Variants in PCDHGA9 observed in about 807,000 individuals in gnomAD.
PCDHGA9 encodes protocadherin gamma-A9.
Under a neutral mutation model 62.5 loss-of-function variants are expected in PCDHGA9, and 37 were observed. That is an observed-to-expected ratio of 0.59 (90% CI 0.46 to 0.78). The LOEUF is 0.78. Ranked by LOEUF, PCDHGA9 falls within the 30% of genes least tolerant of loss-of-function variation. PCDHGA9 has a pLI of 0.00. For synonymous variants in PCDHGA9, 459 were observed against 484.6 expected (o/e 0.95, Z 0.69); for missense variants, 1,138 against 1,166.2 (o/e 0.98, Z 0.35).
intron 1 of PCDHGA9, among the ~76,000 whole-genome samples, chr5:141,492,824 C>T (rs1027583244): frequency 4.6e-5 from 7 of 152,236 alleles, no homozygotes. Context: ...ACCAGCGGCC[C>T]CTTCCTCCCG....
rs2099713635 is a variant in PCDHGA9, at chr5:141,491,418, T to C, written c.2425-3389T>C. The C allele has an allele frequency of 6.2e-7, 1 of 1,613,796 alleles. No individual in the cohort carries two copies. Among genetic ancestry groups the C allele is most frequent in the Non-Finnish European group, 8.5e-7 (1 of 1,179,944 alleles). On this transcript the variant is annotated intron_variant, in intron 1 of 3. Transcript: ENST00000573521. The surrounding 1 kb of genome is among the most constrained non-coding windows in gnomAD (Gnocchi z 6.9). The stretch of plus-strand genomic sequence containing the variant: ...AGGGAAACGCAGACGGGGACGGGGG[T>C]GGAGGGCAGTGCTGCAGGCGCCAGG...
At chr5:141,500,360 T>C (rs1224064939) in intron 2 of PCDHGA9, among the ~76,000 whole-genome samples, 1 of 151,664 alleles carries the variant, frequency 6.6e-6, no homozygotes, top group Non-Finnish European at 1.5e-5. Context: ...AGGCGCCCAC[T>C]ACCACGCCCG....
Position 141,489,623 on chromosome 5 carries a change from A to T in PCDHGA9, c.2425-5184A>T, listed in dbSNP as rs924162827. On this transcript the variant is annotated intron_variant, in intron 1 of 3. Coordinates refer to ENST00000573521, the MANE Select transcript of PCDHGA9 (RefSeq NM_018921.3). This position sits in a 1 kb window ranked among gnomAD's most constrained non-coding sequence, Gnocchi z 4.5. ...GAGGTAGAGATCCTGGATCTCAATG[A>T]CAACTCTCCTAGCTTTGCCACCCCT... is the stretch of plus-strand genomic sequence containing the variant. The T allele has an allele frequency of 6.2e-7, 1 of 1,614,102 alleles. No homozygotes were observed. Among genetic ancestry groups the T allele is most frequent in the Non-Finnish European group, 8.5e-7 (1 of 1,179,996 alleles).
chr5:141,426,488 T>G, intron 1 of PCDHGA9: 1 of 328,024 alleles, frequency 3.0e-6, no homozygotes, highest in Non-Finnish European at 6.1e-6. Context: ...AACCTTAGAG[T>G]TAGTGCAGAG....
intron 1 of PCDHGA9, chr5:141,416,205 A>T (rs1239154825): frequency 1.3e-5 from 2 of 152,458 alleles, no homozygotes; most frequent in Non-Finnish European, 2.9e-5. Context: ...CAATTTATTT[A>T]TAACAATGTA....
intron 1 of PCDHGA9, among the ~76,000 whole-genome samples, chr5:141,492,927 G>C (rs925569925): frequency 6.6e-6 from 1 of 152,180 alleles, no homozygotes; most frequent in Non-Finnish European, 1.5e-5. Context: ...AGCGATCTAG[G>C]GTCAGAGATT....
chr5:141,430,643 T>G (rs1432236231), intron 1 of PCDHGA9: 16 of 946,950 alleles, frequency 1.7e-5, no homozygotes, highest in South Asian at 2.5e-5. Flanking sequence ...CCTGGGAGTA[T>G]GTGGAAACAA....
At chr5:141,426,830 C>A (rs559240163) in intron 1 of PCDHGA9, 301 of 456,662 alleles carry the variant, frequency 6.6e-4, no homozygotes, top group African/African-American at 5.8e-3. Flanking sequence ...TGATGATGGA[C>A]AAGACTAAAG....
chr5:141,435,108 G>A lies in PCDHGA9; in HGVS notation c.2424+29732G>A, dbSNP rs1027955145. ...AACTGATCTGTTTATCTAGGGGGGA[G>A]AAATCTAATTCAATGGAAAATATAA... On this transcript the variant is annotated intron_variant, in intron 1 of 3. Transcript: ENST00000573521. Among the ~76,000 whole-genome samples, 3 of 152,144 alleles carry A rather than the reference G, an allele frequency of 2.0e-5. No homozygotes were observed. In the South Asian group the frequency reaches 6.2e-4, roughly 32 times the overall value.
At chr5:141,408,605 A>G (rs1374368607) in intron 1 of PCDHGA9, 1 of 1,614,060 alleles carries the variant, frequency 6.2e-7, no homozygotes, top group South Asian at 1.1e-5. Flanking sequence ...TCAATTTGAT[A>G]AAAAGGAAAT....
intron 1 of PCDHGA9, chr5:141,479,563 G>A (rs1469231382): frequency 2.6e-5 from 4 of 152,206 alleles, no homozygotes; most frequent in Admixed American, 2.0e-4. Context: ...ATCCAGTAGT[G>A]GGATGACATC....
chr5:141,490,891 C>A lies in PCDHGA9; in HGVS notation c.2425-3916C>A, dbSNP rs1462296497. The A allele has an allele frequency of 6.2e-7, 1 of 1,613,204 alleles. No homozygotes were observed. Among genetic ancestry groups the A allele is most frequent in the Non-Finnish European group, 8.5e-7 (1 of 1,179,262 alleles). On this transcript the variant is annotated intron_variant, in intron 1 of 3. Transcript: ENST00000573521. This position sits in a 1 kb window ranked among gnomAD's most constrained non-coding sequence, Gnocchi z 5.4. ...CCCATTGCATGCCAACACATCTCTGCATGTGTTTGTCCTAGACGAGAATGA... is the reference window on the plus strand; with the variant it reads ...CCCATTGCATGCCAACACATCTCTGAATGTGTTTGTCCTAGACGAGAATGA...
chr5:141,417,713 C>G, intron 1 of PCDHGA9: 1 of 1,271,750 alleles, frequency 7.9e-7, no homozygotes, highest in Non-Finnish European at 1.1e-6. Flanking sequence ...CAGAGGCTCC[C>G]GGCTGCGCAG....
At chr5:141,406,436 T>C (rs1207276044) in intron 1 of PCDHGA9, among the ~76,000 whole-genome samples, 3 of 152,234 alleles carry the variant, frequency 2.0e-5, no homozygotes, top group Non-Finnish European at 4.4e-5. Context: ...TTGCTTCTAT[T>C]CTTCCATTTC....
At chr5:141,510,062 G>GA (rs1448334820) in intron 3 of PCDHGA9, among the ~76,000 whole-genome samples, 1 of 152,150 alleles carries the variant, frequency 6.6e-6, no homozygotes. Flanking sequence ...TTGTGCATGT[G>GA]AAGCATCCAG....
At chr5:141,469,415 A>C (rs2099200751) in intron 1 of PCDHGA9, among the ~76,000 whole-genome samples, 1 of 152,116 alleles carries the variant, frequency 6.6e-6, no homozygotes, top group Admixed American at 6.5e-5. Flanking sequence ...TTTCTACTAA[A>C]AATATAAAAC....
At chr5:141,443,871 G>A (rs1395939418) in intron 1 of PCDHGA9, among the ~76,000 whole-genome samples, 1 of 152,112 alleles carries the variant, frequency 6.6e-6, no homozygotes, top group East Asian at 1.9e-4. Context: ...AAAAATTACT[G>A]ATAAGTCAAG....
intron 1 of PCDHGA9, among the ~76,000 whole-genome samples, chr5:141,474,085 AAAAC>A (rs937548165): frequency 1.3e-5 from 2 of 152,188 alleles, no homozygotes; most frequent in African/African-American, 4.8e-5. Flanking sequence ...CAAAAACCAA[AAAAC>A]AAACAACAAC....
intron 1 of PCDHGA9, chr5:141,429,173 C>CA (rs1561839883): frequency 7.9e-6 from 1 of 125,872 alleles, no homozygotes; most frequent in Non-Finnish European, 1.7e-5. Flanking sequence ...TGTTTATACA[C>CA]ACACACACAC....
Sources: allele counts gnomAD v4.1 joint callset (sites outside exome capture counted in the v4.1 genomes callset), GRCh38; gene constraint gnomAD v4.1.1; non-coding constraint Gnocchi (gnomAD v3.1); transcripts MANE v1.5; gene names NCBI Gene and HGNC (gene_info 2026-07-23, HGNC 2026-07-21).